Variants in LOC128125817 observed in about 807,000 individuals in gnomAD.
the LOC128125817 span, among the ~76,000 whole-genome samples, chr1:41,609,439 A>G: frequency 6.6e-6 from 1 of 152,232 alleles, no homozygotes; most frequent in Non-Finnish European, 1.5e-5. Context: ...CCGTGTAGGC[A>G]CCTGGCAGGC....
At chr1:41,607,248 T>C in the LOC128125817 span, among the ~76,000 whole-genome samples, 1 of 152,258 alleles carries the variant, frequency 6.6e-6, no homozygotes. Flanking sequence ...CCTCTGGATC[T>C]ATCCTCCATG....
the LOC128125817 span, among the ~76,000 whole-genome samples, chr1:41,595,684 G>A: frequency 6.6e-6 from 1 of 152,166 alleles, no homozygotes; most frequent in Non-Finnish European, 1.5e-5. Context: ...GACTGGGAAA[G>A]GCAGACCCAC....
At chr1:41,617,124 A>G in the LOC128125817 span, among the ~76,000 whole-genome samples, 1 of 152,230 alleles carries the variant, frequency 6.6e-6, no homozygotes, top group Admixed American at 6.5e-5. Flanking sequence ...TTACAGCTGA[A>G]TGATGGACCA....
chr1:41,627,564 G>A, the LOC128125817 span, among the ~76,000 whole-genome samples: 1 of 152,182 alleles, frequency 6.6e-6, no homozygotes, highest in African/African-American at 2.4e-5. Context: ...ACAGGCTCTA[G>A]CCACCCCGAA....
the LOC128125817 span, among the ~76,000 whole-genome samples, chr1:41,609,363 G>T: frequency 5.3e-5 from 8 of 152,250 alleles, no homozygotes; most frequent in African/African-American, 1.9e-4. Context: ...AGCCCTGTTT[G>T]CCTGGGCAGC....
At chr1:41,626,719 A>G in the LOC128125817 span, among the ~76,000 whole-genome samples, 1 of 152,294 alleles carries the variant, frequency 6.6e-6, no homozygotes, top group Non-Finnish European at 1.5e-5. Flanking sequence ...ACAAGTGCTA[A>G]GTTGAGGTAC....
chr1:41,596,445 C>T, the LOC128125817 span, among the ~76,000 whole-genome samples: 47 of 152,276 alleles, frequency 3.1e-4, no homozygotes, highest in African/African-American at 1.1e-3. Context: ...AGTGCTGTTC[C>T]CCCAAGAAGC....
the LOC128125817 span, among the ~76,000 whole-genome samples, chr1:41,625,576 CA>C: frequency 6.6e-6 from 1 of 152,012 alleles, no homozygotes; most frequent in Admixed American, 6.5e-5. Context: ...AAATAAATGT[CA>C]AAAACTAGAC....
chr1:41,622,262 C>T, the LOC128125817 span, among the ~76,000 whole-genome samples: 1 of 152,124 alleles, frequency 6.6e-6, no homozygotes, highest in Non-Finnish European at 1.5e-5. Flanking sequence ...CAGGGTACCA[C>T]AGAATCCCAG....
chr1:41,605,738 AAGAC>A, the LOC128125817 span, among the ~76,000 whole-genome samples: 5 of 152,192 alleles, frequency 3.3e-5, no homozygotes, highest in East Asian at 9.7e-4. Context: ...GAGTGGGAGA[AAGAC>A]AGAAAGATGC....
chr1:41,587,827 A>G, the LOC128125817 span, among the ~76,000 whole-genome samples: 1 of 152,164 alleles, frequency 6.6e-6, no homozygotes, highest in Non-Finnish European at 1.5e-5. Context: ...CTCAATTAAT[A>G]GAAGTTCTCT....
the LOC128125817 span, among the ~76,000 whole-genome samples, chr1:41,587,089 G>A: frequency 6.6e-6 from 1 of 152,116 alleles, no homozygotes; most frequent in Non-Finnish European, 1.5e-5. Context: ...GAGTCTTATA[G>A]CCAGACAGGA....
the LOC128125817 span, among the ~76,000 whole-genome samples, chr1:41,601,969 T>G: frequency 6.6e-6 from 1 of 152,200 alleles, no homozygotes; most frequent in South Asian, 2.1e-4. Flanking sequence ...TTGAATTTTG[T>G]CAAATGCCTT....
the LOC128125817 span, among the ~76,000 whole-genome samples, chr1:41,591,650 A>C: frequency 6.6e-6 from 1 of 151,686 alleles, no homozygotes; most frequent in Admixed American, 6.6e-5. Context: ...TGAGATTGAG[A>C]CTTTGCAGCC....
chr1:41,598,451 T>TGACTGGGA, the LOC128125817 span, among the ~76,000 whole-genome samples: 2 of 151,932 alleles, frequency 1.3e-5, no homozygotes, highest in African/African-American at 4.8e-5. Context: ...GAAGAAAAAA[T>TGACTGGGA]GACTGGGAGA....
the LOC128125817 span, among the ~76,000 whole-genome samples, chr1:41,604,131 T>TGCCA: frequency 6.6e-6 from 1 of 152,204 alleles, no homozygotes; most frequent in Non-Finnish European, 1.5e-5. Context: ...CAAAGACTAA[T>TGCCA]GCCACACACC....
the LOC128125817 span, among the ~76,000 whole-genome samples, chr1:41,588,831 G>A: frequency 6.6e-6 from 1 of 152,020 alleles, no homozygotes; most frequent in East Asian, 1.9e-4. Context: ...CTGGGGCTTG[G>A]ACTTCTGGAC....
At chr1:41,601,829 GAA>G in the LOC128125817 span, among the ~76,000 whole-genome samples, 3 of 152,064 alleles carry the variant, frequency 2.0e-5, no homozygotes, top group African/African-American at 7.2e-5. Flanking sequence ...TGATTTTAGA[GAA>G]AAAACTTTTC....
At chr1:41,613,425 C>A in the LOC128125817 span, among the ~76,000 whole-genome samples, 1 of 152,188 alleles carries the variant, frequency 6.6e-6, no homozygotes. Flanking sequence ...TTTTGGAGAG[C>A]AGGGGCTGTA....
Sources: allele counts gnomAD v4.1 joint callset (sites outside exome capture counted in the v4.1 genomes callset), GRCh38; gene constraint gnomAD v4.1.1; transcripts MANE v1.5.